The following RPL13A variants were observed in gnomAD, a reference collection of about 807,000 sequenced individuals.
RPL13A encodes ribosomal protein L13a.
RPL13A carries 4 observed loss-of-function variants against 30.8 expected under a neutral mutation model. The ratio of observed to expected loss-of-function variants is 0.13; its 90% CI spans 0.06 to 0.30. The LOEUF (loss-of-function observed/expected upper bound fraction) is 0.30. RPL13A is among the 10% of genes least tolerant of loss of function. RPL13A has a pLI of 1.00. For missense variants in RPL13A, 196 were observed against 272.6 expected (o/e 0.72, Z 1.98); for synonymous variants, 108 against 104.2 (o/e 1.04, Z -0.22).
At chr19:49,490,896 C>T (rs2079860283) in intron 5 of RPL13A, 32 bp downstream of exon 5, 1 of 1,611,106 alleles carries the variant, frequency 6.2e-7, no homozygotes, top group Non-Finnish European at 8.5e-7. Context: ...AGGCAGCGGC[C>T]TTACCTGTGG....
intron 1 of RPL13A, among the ~76,000 whole-genome samples, chr19:49,488,730 G>A (rs965252692): frequency 2.0e-5 from 3 of 152,212 alleles, no homozygotes; most frequent in African/African-American, 7.2e-5. Flanking sequence ...TTCTGAGACG[G>A]AGTCTCGCTG....
rs1256492265 is a variant in RPL13A at position 49,490,292 on chromosome 19, A to C, written c.149A>C (p.Asn50Thr). The change falls in exon 3 of 8, where the codon AAC (asparagine) becomes ACC (threonine). Residue 50 changes from asparagine (N) to threonine (T), a missense_variant. Asn to Thr is a moderately conservative substitution (Grantham distance 65). Transcript: ENST00000391857. ...GINISGNFYR[N>T]KLKYLAFLRK... ...AACATTTCTGGCAATTTCTACAGAA[A>C]CAAGTGTAAGTTAGGACCTGGGAGG... 19 of 1,614,150 alleles carry C rather than the reference A, an allele frequency of 1.2e-5. No homozygotes were observed. The highest frequency in any genetic ancestry group is 1.6e-5 in the Non-Finnish European group (19 of 1,180,004).
At chr19:49,490,193 C>T in intron 2 of RPL13A, 39 bp from the exon 3 acceptor site, 6 of 1,600,454 alleles carry the variant, frequency 3.7e-6, no homozygotes, top group East Asian at 2.2e-5. Context: ...GTGGGACCCT[C>T]AGGCGGCTCG....
chr19:49,490,509 C>A lies in RPL13A; in HGVS notation c.189C>A (p.Asn63Lys). The A allele has an allele frequency of 6.2e-7, 1 of 1,614,212 alleles. No homozygotes were observed. Among genetic ancestry groups the A allele is most frequent in the Non-Finnish European group, 8.5e-7 (1 of 1,180,032 alleles). ...TGGCTTTCCTCCGCAAGCGGATGAACACCAACCCTTCCCGAGGCCCCTACC... is the reference window on the plus strand; with the variant it reads ...TGGCTTTCCTCCGCAAGCGGATGAAAACCAACCCTTCCCGAGGCCCCTACC... ...KYLAFLRKRMNTNPSRGPYHF... is the reference protein window; with the variant it reads ...KYLAFLRKRMKTNPSRGPYHF... The change falls in exon 4 of 8, where the codon AAC becomes AAA. Residue 63 changes from asparagine to lysine, a missense_variant. Physicochemically the swap from Asn to Lys is moderately conservative, Grantham distance 94. Coordinates refer to ENST00000391857, the MANE Select transcript of RPL13A (RefSeq NM_012423.4).
intron 6 of RPL13A, 25 bp from the exon 7 acceptor site, chr19:49,491,400 T>TGGGGGGGGGGGGGGGGGG: frequency 1.0e-6 from 1 of 976,862 alleles, no homozygotes; most frequent in Non-Finnish European, 1.4e-6. Context: ...CTTCATTTGT[T>TGGGGGGGGGGGGGGGGGG]CACCCCCCCC....
chr19:49,490,631 ACTT>A (rs764641244), intron 4 of RPL13A, 55 bp downstream of exon 4: 2 of 1,587,972 alleles, frequency 1.3e-6, no homozygotes, highest in Admixed American at 1.7e-5. Flanking sequence ...GGTGATGAGA[ACTT>A]CTCCCACTCA....
intron 7 of RPL13A, 29 bp downstream of exon 7, chr19:49,491,576 G>A (rs1263319120): frequency 1.3e-6 from 2 of 1,553,968 alleles, no homozygotes; most frequent in East Asian, 2.4e-5. Context: ...GCTGAGGGGG[G>A]CATCTCACTC....
chr19:49,491,329 C>A, intron 6 of RPL13A, 96 bp from the exon 7 acceptor site: 1 of 1,263,026 alleles, frequency 7.9e-7, no homozygotes, highest in Non-Finnish European at 1.1e-6. Flanking sequence ...AGCTGTCAGT[C>A]ACCTCCCAGC....
chr19:49,489,972 G>A (rs776285103), intron 2 of RPL13A, 50 bp downstream of exon 2: 1 of 1,398,614 alleles, frequency 7.1e-7, no homozygotes. Context: ...CTGGAGGTCA[G>A]TGATGAGCAA....
intron 1 of RPL13A, among the ~76,000 whole-genome samples, chr19:49,488,596 G>A (rs1804196918): frequency 6.6e-6 from 1 of 152,242 alleles, no homozygotes; most frequent in Admixed American, 6.5e-5. Flanking sequence ...CCAAGGTCAC[G>A]ACTTCAGGAA....
intron 2 of RPL13A, 63 bp downstream of exon 2, chr19:49,489,985 T>C (rs773065022): frequency 1.5e-6 from 2 of 1,305,098 alleles, no homozygotes; most frequent in East Asian, 4.6e-5. Context: ...ATGAGCAACA[T>C]TCACCATCTT....
chr19:49,491,336 C>T, intron 6 of RPL13A, 89 bp from the exon 7 acceptor site: 1 of 1,307,752 alleles, frequency 7.6e-7, no homozygotes, highest in South Asian at 1.2e-5. Flanking sequence ...AGTCACCTCC[C>T]AGCTCTCAAC....
chr19:49,491,587 C>T (rs1183422646), intron 7 of RPL13A, 40 bp downstream of exon 7: 2 of 1,554,346 alleles, frequency 1.3e-6, no homozygotes, highest in African/African-American at 1.4e-5. Context: ...CATCTCACTC[C>T]TGGACAGGCC....
chr19:49,491,601 C>A, intron 7 of RPL13A, 54 bp downstream of exon 7: 2 of 1,556,040 alleles, frequency 1.3e-6, no homozygotes, highest in Non-Finnish European at 1.7e-6. Flanking sequence ...ACAGGCCTGG[C>A]AGGTGCCTTG....
chr19:49,491,743 G>A lies in RPL13A; in HGVS notation c.540G>A (p.Gln180=), dbSNP rs773906820. 22 of 1,613,454 alleles carry A rather than the reference G, an allele frequency of 1.4e-5. No individual in the cohort carries two copies. The Admixed American group carries it at 2.3e-4, about 17-fold the overall frequency. Residue 180 remains glutamine, a synonymous_variant, in exon 8 of 8, where the codon CAG becomes CAA. Transcript: ENST00000391857. ...KKKQLMRLRK[Q]AEKNVEKKID... ...ATTCTTGGCAGAGGCTACGGAAACA[G>A]GCCGAGAAGAACGTGGAGAAGAAAA...
At chr19:49,490,608 C>T (rs373416109) in intron 4 of RPL13A, 32 bp downstream of exon 4, 12 of 1,607,378 alleles carry the variant, frequency 7.5e-6, no homozygotes, top group Admixed American at 1.7e-5. Context: ...CAGGTGGTGA[C>T]GGGCAGGCGG....
At chr19:49,489,020 G>A (rs1275587667) in intron 1 of RPL13A, among the ~76,000 whole-genome samples, 2 of 152,326 alleles carry the variant, frequency 1.3e-5, no homozygotes, top group African/African-American at 2.4e-5. Flanking sequence ...TTTCTACTCC[G>A]GAGGAAGCTG....
intron 6 of RPL13A, 87 bp downstream of exon 6, chr19:49,491,186 T>C (rs1217134480): frequency 6.9e-7 from 1 of 1,459,838 alleles, no homozygotes; most frequent in Admixed American, 1.7e-5. Flanking sequence ...GCAGATGATG[T>C]CCTTATCTCA....
rs552447716 is a variant in RPL13A at position 49,490,925 on chromosome 19, A to G, written c.342+61A>G. The G allele has an allele frequency of 7.2e-5, 116 of 1,606,254 alleles. No individual in the cohort carries two copies. The Admixed American group carries it at 1.9e-3, about 26-fold the overall frequency. On this transcript the variant is annotated intron_variant, in intron 5 of 7. Coordinates refer to ENST00000391857, the MANE Select transcript of RPL13A (RefSeq NM_012423.4). Reference sequence around the variant, plus strand: ...CCTGTGGCGTCCATGATGTTCCGCAACTACCTACATTGTTTGATCCTCATG... The same window carrying G: ...CCTGTGGCGTCCATGATGTTCCGCAGCTACCTACATTGTTTGATCCTCATG...
Sources: allele counts gnomAD v4.1 joint callset (sites outside exome capture counted in the v4.1 genomes callset), GRCh38; gene constraint gnomAD v4.1.1; transcripts MANE v1.5; gene names NCBI Gene and HGNC (gene_info 2026-07-23, HGNC 2026-07-21).